Variants in AGGF1 observed in about 807,000 individuals in gnomAD.
AGGF1 encodes angiogenic factor with G-patch and FHA domains 1, also known as angiogenic factor with G patch and FHA domains 1.
Under a neutral mutation model 86.5 loss-of-function variants are expected in AGGF1, and 56 were observed. The observed-to-expected ratio is 0.65, with a 90% confidence interval of 0.52 to 0.81. The LOEUF (loss-of-function observed/expected upper bound fraction) is 0.81, where lower values mean the gene tolerates loss of function less well. Ranked by LOEUF, AGGF1 falls within the 30% of genes least tolerant of loss-of-function variation. AGGF1 has a pLI of 0.00. For synonymous variants in AGGF1, 313 were observed against 297.1 expected (o/e 1.05, Z -0.55); for missense variants, 816 against 850.9 (o/e 0.96, Z 0.51).
Position 77,033,010 on chromosome 5 carries a change from G to A in AGGF1, c.211-1408G>A, listed in dbSNP as rs114654538. ...TCTGTGACTAAACTGCAGCAGAAGC[G>A]AACAGAAGGTAATTGCCTGAGAGGA... On this transcript the variant is annotated intron_variant, in intron 1 of 13. Transcript: ENST00000312916. Among the ~76,000 whole-genome samples the A allele has an allele frequency of 7.5e-3, 1,148 of 152,252 alleles. 14 individuals carry two copies. The highest frequency in any genetic ancestry group is 0.026 in the African/African-American group (1,096 of 41,536).
rs759779881 is a variant in AGGF1, at chr5:77,039,617, A to G, written c.768A>G (p.Val256=). The G allele has an allele frequency of 6.2e-7, 1 of 1,613,360 alleles. No individual in the cohort carries two copies. Among genetic ancestry groups the G allele is most frequent in the Non-Finnish European group, 8.5e-7 (1 of 1,179,546 alleles). ...GTCGTTATCAGTTTCATTCTCGAGT[A>G]GATTTGCAACCTTATCCGACTTCTA... ...ESGRYQFHSR[V]DLQPYPTSST... Residue 256 remains valine, a synonymous_variant, in exon 5 of 14, where the codon GTA becomes GTG. Coordinates refer to ENST00000312916, the MANE Select transcript of AGGF1 (RefSeq NM_018046.5).
intron 8 of AGGF1, among the ~76,000 whole-genome samples, chr5:77,051,053 T>C (rs1008091521): frequency 2.0e-5 from 3 of 152,186 alleles, no homozygotes; most frequent in African/African-American, 7.2e-5. Context: ...GAAAGACTTA[T>C]TCTAAACAAT....
At chr5:77,037,921 T>C (rs2150727870) in intron 4 of AGGF1, among the ~76,000 whole-genome samples, 1 of 152,334 alleles carries the variant, frequency 6.6e-6, no homozygotes, top group African/African-American at 2.4e-5. Context: ...TGTTGAAGTC[T>C]AATAATTATA....
Position 77,063,182 on chromosome 5 carries a change from A to C in AGGF1, c.2075A>C (p.Asn692Thr), listed in dbSNP as rs781065922. The C allele has an allele frequency of 6.2e-7, 1 of 1,614,004 alleles. No homozygotes were observed. Among genetic ancestry groups the C allele is most frequent in the South Asian group, 1.1e-5 (1 of 91,080 alleles). The change falls in exon 14 of 14, where the codon AAC becomes ACC. Residue 692 changes from asparagine (N) to threonine (T), a missense_variant. Asn to Thr is a moderately conservative substitution (Grantham distance 65, BLOSUM62 0). This residue lies in a region of AGGF1 where 565 missense variants were observed against 585.8 expected (regional missense o/e 0.96). Coordinates refer to ENST00000312916, the MANE Select transcript of AGGF1 (RefSeq NM_018046.5). Reference protein sequence around the residue: ...WDKARERFTENFPETKPQKDD... With the variant: ...WDKARERFTETFPETKPQKDD... ...AAAGCACGAGAGCGGTTTACTGAAA[A>C]CTTCCCAGAAACTAAGCCTCAAAAA...
rs905389496 is a variant in AGGF1 at position 77,034,419 on chromosome 5, T to G, written c.212T>G (p.Val71Gly). The G allele has an allele frequency of 1.9e-6, 3 of 1,601,500 alleles. No homozygotes were observed. In the African/African-American group the frequency reaches 4.0e-5, roughly 21 times the overall value. The change falls in exon 2 of 14, where the codon GTG becomes GGG. Residue 71 changes from valine to glycine, a missense_variant and splice_region_variant. By Grantham distance (109) the Val-to-Gly change is moderately radical. Around this residue, in one of 3 missense-constraint regions of AGGF1, gnomAD observed 240 missense variants for 234.4 expected, o/e 1.02. Transcript: ENST00000312916. The stretch of plus-strand genomic sequence containing the variant: ...TCCTAAAGCCTTGTTTTCTCTCAGG[T>G]GGAAGAACTCAGTAAAATACTCCAA... ...ESNNQELRTQ[V>G]EELSKILQRG...
chr5:77,051,048 A>C lies in AGGF1; in HGVS notation c.1366-1658A>C, dbSNP rs529283720. Among the ~76,000 whole-genome samples, 28 of 152,344 alleles carry C rather than the reference A, an allele frequency of 1.8e-4. No homozygotes were observed. The South Asian group carries it at 5.8e-3, about 32-fold the overall frequency. On this transcript the variant is annotated intron_variant, in intron 8 of 13. Coordinates refer to ENST00000312916, the MANE Select transcript of AGGF1 (RefSeq NM_018046.5). The stretch of plus-strand genomic sequence containing the variant: ...GAATAGGGTTTGGCAGTACAGAAAG[A>C]CTTATTCTAAACAATCCAGTTGGAA...
chr5:77,062,648 A>G (rs917095899), intron 13 of AGGF1, among the ~76,000 whole-genome samples: 1 of 152,202 alleles, frequency 6.6e-6, no homozygotes, highest in African/African-American at 2.4e-5. Flanking sequence ...TATGAAAACA[A>G]TCAAATTCTT....
intron 11 of AGGF1, among the ~76,000 whole-genome samples, chr5:77,059,195 G>A (rs943527343): frequency 3.9e-5 from 6 of 152,140 alleles, no homozygotes; most frequent in African/African-American, 1.4e-4. Flanking sequence ...TGAGAACACA[G>A]CATTAAGTCA....
intron 4 of AGGF1, among the ~76,000 whole-genome samples, chr5:77,037,619 T>C (rs1382315099): frequency 6.6e-6 from 1 of 152,018 alleles, no homozygotes; most frequent in Non-Finnish European, 1.5e-5. Flanking sequence ...CTATAAAAAA[T>C]TTTAAAAGTC....
intron 1 of AGGF1, among the ~76,000 whole-genome samples, chr5:77,031,970 A>C (rs1050929969): frequency 3.9e-5 from 6 of 152,020 alleles, no homozygotes; most frequent in Non-Finnish European, 5.9e-5. Context: ...CCTCTCTGCC[A>C]ACAGATTATT....
chr5:77,055,148 AT>A (rs1178879650), intron 10 of AGGF1, among the ~76,000 whole-genome samples: 1 of 152,190 alleles, frequency 6.6e-6, no homozygotes, highest in Non-Finnish European at 1.5e-5. Flanking sequence ...AATAACATGA[AT>A]TTTGGTTTCT....
chr5:77,058,850 G>A (rs944259506), intron 11 of AGGF1, among the ~76,000 whole-genome samples: 46 of 152,024 alleles, frequency 3.0e-4, no homozygotes, highest in Admixed American at 2.7e-3. Context: ...TGAACCACTC[G>A]TACTGCAACA....
At chr5:77,039,778 A>G (rs948372947) in intron 5 of AGGF1, 59 bp downstream of exon 5, 3 of 1,457,340 alleles carry the variant, frequency 2.1e-6, no homozygotes, top group Non-Finnish European at 2.8e-6. Flanking sequence ...AATTAAGACA[A>G]AATTTTTTAT....
chr5:77,043,476 G>C (rs1448253830), intron 5 of AGGF1, among the ~76,000 whole-genome samples: 1 of 41,458 alleles, frequency 2.4e-5, no homozygotes, highest in Non-Finnish European at 6.5e-5. Context: ...GCGGTTGGCC[G>C]GGCGGAGGGC....
chr5:77,056,148 A>G (rs72765112), intron 11 of AGGF1, among the ~76,000 whole-genome samples: 34,517 of 151,930 alleles, frequency 0.23, 4,472 homozygotes, highest in Non-Finnish European at 0.29. Context: ...ATAATAGTCC[A>G]GAAGTAGATC....
At chr5:77,032,264 A>C (rs931477414) in intron 1 of AGGF1, among the ~76,000 whole-genome samples, 16 of 150,348 alleles carry the variant, frequency 1.1e-4, no homozygotes, top group Admixed American at 5.9e-4. Context: ...AAAAAAAAAA[A>C]AAAAAAAAAA....
At chr5:77,060,188 T>A (rs930050120) in intron 12 of AGGF1, among the ~76,000 whole-genome samples, 15 of 152,196 alleles carry the variant, frequency 9.9e-5, no homozygotes, top group African/African-American at 3.4e-4. Context: ...ATGGAGACAC[T>A]AAGTCTATTT....
intron 10 of AGGF1, among the ~76,000 whole-genome samples, chr5:77,054,870 A>G (rs1747433673): frequency 6.6e-6 from 1 of 152,168 alleles, no homozygotes; most frequent in Non-Finnish European, 1.5e-5. Flanking sequence ...ATGAAGGGTT[A>G]TTGATTGATA....
At chr5:77,041,679 T>C (rs1005783997) in intron 5 of AGGF1, among the ~76,000 whole-genome samples, 1 of 150,904 alleles carries the variant, frequency 6.6e-6, no homozygotes, top group Non-Finnish European at 1.5e-5. Flanking sequence ...AACTAGAGAA[T>C]AGACATGGAA....
Sources: allele counts gnomAD v4.1 joint callset (sites outside exome capture counted in the v4.1 genomes callset), GRCh38; gene constraint gnomAD v4.1.1; regional missense constraint gnomAD v4.1.1; transcripts MANE v1.5; gene names NCBI Gene and HGNC (gene_info 2026-07-23, HGNC 2026-07-21).